The following ZNF552 variants were observed in gnomAD, a reference collection of about 807,000 sequenced individuals.
ZNF552 encodes the protein zinc finger protein 552.
A neutral mutation model predicts 7.2 loss-of-function variants in ZNF552; 2 were observed. The ratio of observed to expected loss-of-function variants is 0.28; its 90% confidence interval spans 0.11 to 0.88. The LOEUF is 0.88. Ranked by LOEUF, ZNF552 falls within the 40% of genes least tolerant of loss-of-function variation. ZNF552 has a pLI of 0.60. For synonymous variants in ZNF552, 173 were observed against 176.5 expected (o/e 0.98, Z 0.16); for missense variants, 421 against 493.4 (o/e 0.85, Z 1.39).
chr19:57,814,426 G>C (rs1987917962), intron 1 of ZNF552: 2 of 1,234,038 alleles, frequency 1.6e-6, no homozygotes, highest in East Asian at 2.6e-5. Context: ...GCTTTTCCAG[G>C]AGGAGTTCCG....
chr19:57,808,161 G>C lies in ZNF552; in HGVS notation c.1103C>G (p.Thr368Ser). Reference protein sequence around the residue: ...GKSFAESSSLTKHRRVHTGEK... With the variant: ...GKSFAESSSLSKHRRVHTGEK... ...TCCAGTGTGAACTCTCCTGTGTTTA[G>C]TGAGACTGGAGCTTTCGGCAAAAGA... The change falls in exon 3 of 3, where the codon ACT (threonine) becomes AGT (serine). Residue 368 changes from threonine (T) to serine (S), a missense_variant. Coordinates refer to ENST00000391701, the MANE Select transcript of ZNF552 (RefSeq NM_024762.3). 1 of 1,613,942 alleles carries C rather than the reference G, an allele frequency of 6.2e-7. No homozygotes were observed. The highest frequency in any genetic ancestry group is 8.5e-7 in the Non-Finnish European group (1 of 1,179,972).
rs1278597148 is a variant in ZNF552 at position 57,807,824 on chromosome 19, T to C, written c.*216A>G. The C allele has an allele frequency of 1.5e-6, 1 of 676,608 alleles. No homozygotes were observed. Among genetic ancestry groups the C allele is most frequent in the African/African-American group, 1.8e-5 (1 of 55,498 alleles). The allele number at this position is 676,608 out of a possible 1,614,324, so 41.9% of individuals were successfully genotyped here. A position where few individuals can be genotyped will look rare whatever the true frequency, so the allele number is the denominator to read the frequency against. Reference sequence around the variant, plus strand: ...CTGTATTTGTCACACTAGTAAGGCCTTCATTCAGTGTTAACTATAATCCTG... The same window carrying C: ...CTGTATTTGTCACACTAGTAAGGCCCTCATTCAGTGTTAACTATAATCCTG... On this transcript the variant is annotated 3_prime_UTR_variant, in exon 3 of 3. Coordinates refer to ENST00000391701, the MANE Select transcript of ZNF552 (RefSeq NM_024762.3).
rs376902179 is a variant in ZNF552, at chr19:57,811,127, G to C, written c.161-2024C>G. Among the ~76,000 whole-genome samples, 1,234 of 151,804 alleles carry C rather than the reference G, an allele frequency of 8.1e-3. 20 individuals carry two copies. Among genetic ancestry groups the C allele is most frequent in the African/African-American group, 0.028 (1,155 of 41,386 alleles). ...GGCAGGGGGAAGGCAGGGTTCCTCC[G>C]TATGCTGAGCGCCAGTCCCCTGGGC... On this transcript the variant is annotated intron_variant, in intron 2 of 2. Coordinates refer to ENST00000391701, the MANE Select transcript of ZNF552 (RefSeq NM_024762.3).
rs1987931877 is a variant in ZNF552 at position 57,814,874 on chromosome 19, C to A, written c.-131G>T. ...TCACCACCACGGTCCCAACACAGCG[C>A]TCCAAGGACTCCCTAACGCCAATGG... On this transcript the variant is annotated 5_prime_UTR_variant, in exon 1 of 3. Coordinates refer to ENST00000391701, the MANE Select transcript of ZNF552 (RefSeq NM_024762.3). 2 of 916,398 alleles carry A rather than the reference C, an allele frequency of 2.2e-6. No homozygotes were observed. The highest frequency in any genetic ancestry group is 3.2e-6 in the Non-Finnish European group (2 of 617,402). The allele number at this position is 916,398 out of a possible 1,614,324, so 56.8% of individuals were successfully genotyped here.
intron 2 of ZNF552, among the ~76,000 whole-genome samples, chr19:57,812,248 G>A (rs1987872510): frequency 6.6e-6 from 1 of 151,732 alleles, no homozygotes; most frequent in African/African-American, 2.4e-5. Flanking sequence ...GAGAAAAGAC[G>A]ATACAGAAAT....
chr19:57,808,291 C>T lies in ZNF552; in HGVS notation c.973G>A (p.Glu325Lys). The change falls in exon 3 of 3, where the codon GAA (glutamate) becomes AAA (lysine). Residue 325 changes from glutamate (E) to lysine (K), a missense_variant. Around this residue, in one of 2 missense-constraint regions of ZNF552, gnomAD observed 299 missense variants for 293.7 expected, o/e 1.02. Coordinates refer to ENST00000391701, the MANE Select transcript of ZNF552 (RefSeq NM_024762.3). ...AATGACTTCCCACAATCACTGCATT[C>T]ATATGGCCTTTCTCCAGTGTGAACT... is the stretch of plus-strand genomic sequence containing the variant. ...QRVHTGERPY[E>K]CSDCGKSFTH... is the part of the protein sequence containing the mutation. 1.2e-6 allele frequency: 2 copies of T among 1,614,118 alleles called. No homozygotes were observed.
chr19:57,807,198 G>A lies in ZNF552; in HGVS notation c.*842C>T, dbSNP rs1195347942. 6.6e-6 allele frequency: 1 copy of A among 152,150 alleles called. No homozygotes were observed. Among genetic ancestry groups the A allele is most frequent in the Non-Finnish European group, 1.5e-5 (1 of 68,034 alleles). The allele number at this position is 152,150 out of a possible 1,614,324, so 9.4% of individuals were successfully genotyped here. ...GAGAAAAACTTTATAAAGGCTCCAG[G>A]TGAATACAAAGGTGATAGATTAGAT... On this transcript the variant is annotated 3_prime_UTR_variant, in exon 3 of 3. Transcript: ENST00000391701.
chr19:57,812,860 C>T (rs1161036653), intron 2 of ZNF552, among the ~76,000 whole-genome samples: 1 of 152,204 alleles, frequency 6.6e-6, no homozygotes, highest in African/African-American at 2.4e-5. Flanking sequence ...TGAGCCACTG[C>T]ACCAGACCTA....
intron 2 of ZNF552, among the ~76,000 whole-genome samples, chr19:57,809,527 T>C (rs903291743): frequency 1.3e-5 from 2 of 152,056 alleles, no homozygotes; most frequent in African/African-American, 4.8e-5. Context: ...ATGCTAATAC[T>C]GGAAACCACT....
At chr19:57,813,807 C>T (rs1987904245) in intron 1 of ZNF552, among the ~76,000 whole-genome samples, 2 of 139,824 alleles carry the variant, frequency 1.4e-5, no homozygotes, top group Non-Finnish European at 1.5e-5. Flanking sequence ...TGCAATGGCG[C>T]GATCTCGGCT....
rs959524226 is a variant in ZNF552, at chr19:57,808,246, G to A, written c.1018C>T (p.Arg340Cys). The change falls in exon 3 of 3, where the codon CGT (arginine) becomes TGT (cysteine). Residue 340 changes from arginine (R) to cysteine (C), a missense_variant. By Grantham distance (180) the Arg-to-Cys change is radical. Around this residue, in one of 2 missense-constraint regions of ZNF552, gnomAD observed 299 missense variants for 293.7 expected, o/e 1.02. Transcript: ENST00000391701. ...CCAGTGTGAACTCTCTTATGAACAC[G>A]GAATGTAGAGCTGTGGGTAAATGAC... Reference protein sequence around the residue: ...GKSFTHSSTFRVHKRVHTGQK... With the variant: ...GKSFTHSSTFCVHKRVHTGQK... The A allele has an allele frequency of 4.3e-6, 7 of 1,613,902 alleles. No individual in the cohort carries two copies. The highest frequency in any genetic ancestry group is 4.5e-5 in the East Asian group (2 of 44,868).
intron 1 of ZNF552, chr19:57,814,431 G>A: frequency 7.7e-7 from 1 of 1,298,782 alleles, no homozygotes; most frequent in Non-Finnish European, 1.1e-6. Flanking sequence ...TCCAGGAGGA[G>A]TTCCGCCTCA....
At chr19:57,810,257 G>A (rs1007735639) in intron 2 of ZNF552, among the ~76,000 whole-genome samples, 1 of 151,974 alleles carries the variant, frequency 6.6e-6, no homozygotes, top group Non-Finnish European at 1.5e-5. Flanking sequence ...ATCACCTGAC[G>A]TCAGGAGTTT....
At chr19:57,809,646 T>C (rs202045233) in intron 2 of ZNF552, among the ~76,000 whole-genome samples, 1 of 144,918 alleles carries the variant, frequency 6.9e-6, no homozygotes, top group African/African-American at 2.5e-5. Context: ...TTAAAGGATT[T>C]AAAAAAAAAA....
At chr19:57,809,643 A>AT (rs988382344) in intron 2 of ZNF552, among the ~76,000 whole-genome samples, 8 of 141,442 alleles carry the variant, frequency 5.7e-5, no homozygotes, top group Non-Finnish European at 9.1e-5. Flanking sequence ...CAGTTAAAGG[A>AT]TTTAAAAAAA....
intron 1 of ZNF552, 83 bp downstream of exon 1, chr19:57,814,628 C>G (rs749413497): frequency 8.1e-6 from 13 of 1,609,790 alleles, no homozygotes; most frequent in Non-Finnish European, 1.0e-5. Flanking sequence ...GTTGCAGAGC[C>G]GTAAACAGGT....
Position 57,808,992 on chromosome 19 carries a change from T to C in ZNF552, c.272A>G (p.His91Arg). Residue 91 changes from histidine to arginine, a missense_variant, in exon 3 of 3, where the codon CAC (histidine) becomes CGC (arginine). By Grantham distance (29) the His-to-Arg change is conservative. Transcript: ENST00000391701. ...GATCGGGCCACACATCTCACAGGGG[T>C]GGGCCTTCTTGGGAGACACACCTGC... is the stretch of plus-strand genomic sequence containing the variant. ...PMAGVSPKKA[H>R]PCEMCGPILG... 2 of 1,573,502 alleles carry C rather than the reference T, an allele frequency of 1.3e-6. No homozygotes were observed. The highest frequency in any genetic ancestry group is 8.6e-7 in the Non-Finnish European group (1 of 1,158,080).
Position 57,808,258 on chromosome 19 carries a change from T to C in ZNF552, c.1006A>G (p.Ser336Gly). 1 of 1,614,212 alleles carries C rather than the reference T, an allele frequency of 6.2e-7. No individual in the cohort carries two copies. Among genetic ancestry groups the C allele is most frequent in the Admixed American group, 1.7e-5 (1 of 60,030 alleles). Residue 336 changes from serine (S) to glycine (G), a missense_variant, in exon 3 of 3, where the codon AGC (serine) becomes GGC (glycine). Physicochemically the swap from Ser to Gly is moderately conservative, Grantham distance 56 (BLOSUM62 0). Around this residue, in one of 2 missense-constraint regions of ZNF552, gnomAD observed 299 missense variants for 293.7 expected, o/e 1.02. Transcript: ENST00000391701. ...CTCTTATGAACACGGAATGTAGAGC[T>C]GTGGGTAAATGACTTCCCACAATCA... is the stretch of plus-strand genomic sequence containing the variant. Reference protein sequence around the residue: ...CSDCGKSFTHSSTFRVHKRVH... With the variant: ...CSDCGKSFTHGSTFRVHKRVH...
At position 57,808,466 on chromosome 19, in the gene ZNF552, T is replaced by C. The variant is rs61731283; in HGVS notation, c.798A>G (p.Lys266=). 950 of 1,613,626 alleles carry C rather than the reference T, an allele frequency of 5.9e-4. 3 individuals carry two copies. In the African/African-American group the frequency reaches 0.011, roughly 19 times the overall value. The change falls in exon 3 of 3, where the codon AAA becomes AAG. Residue 266 remains lysine (K), a synonymous_variant. Coordinates refer to ENST00000391701, the MANE Select transcript of ZNF552 (RefSeq NM_024762.3). ...TCCCACATATCCCACACGTATAAGGTTTTTCTCTAGTGTGAACTCCTTGAT... is the reference window on the plus strand; with the variant it reads ...TCCCACATATCCCACACGTATAAGGCTTTTCTCTAGTGTGAACTCCTTGAT... ...SNHQGVHTRE[K]PYTCGICGKL... is the part of the protein sequence containing the mutation.
Sources: gnomAD v4.1 joint callset for allele counts (sites outside exome capture counted in the v4.1 genomes callset) on GRCh38, gnomAD v4.1.1 for gene constraint, gnomAD v4.1.1 regional missense constraint, MANE v1.5 for transcripts, NCBI Gene and HGNC (gene_info 2026-07-23, HGNC 2026-07-21) for gene names.